FSHR: variants seen among roughly 807,000 people sequenced by gnomAD.
FSHR encodes follicle-stimulating hormone receptor.
In FSHR, 46 loss-of-function variants were observed where a neutral mutation model predicts 52.1. The ratio of observed to expected loss-of-function variants is 0.88; its 90% CI spans 0.70 to 1.13. The LOEUF is 1.13. Ranked by LOEUF, FSHR falls within the 50% of genes most tolerant of loss-of-function variation. The probability of loss-of-function intolerance (pLI) is 0.00; values close to 1 mark genes in which losing one functional copy is unlikely to be tolerated. For synonymous variants in FSHR, 399 were observed against 309.6 expected (o/e 1.29, Z -3.03); for missense variants, 964 against 834.6 (o/e 1.16, Z -1.91).
In FSHR at chr2:49,008,566, G is replaced by A. The variant is rs539181296; in HGVS notation, c.374+8923C>T. 1.2e-3 allele frequency among the ~76,000 whole-genome samples: 182 copies of A among 150,942 alleles called. 2 individuals are homozygous for A. Among genetic ancestry groups the A allele is most frequent in the Middle Eastern group, 6.8e-3 (2 of 292 alleles). ...CAGTAATGGGATGGCTGGGTCAAATGGTATTTCCAGTTCTAGATCCCTGAG... is the reference window on the plus strand; with the variant it reads ...CAGTAATGGGATGGCTGGGTCAAATAGTATTTCCAGTTCTAGATCCCTGAG... On this transcript the variant is annotated intron_variant, in intron 4 of 9. Transcript: ENST00000406846.
At chr2:49,047,165 C>A (rs534542849) in intron 2 of FSHR, among the ~76,000 whole-genome samples, 1 of 152,110 alleles carries the variant, frequency 6.6e-6, no homozygotes, top group East Asian at 1.9e-4. Context: ...CTGCAGTAAA[C>A]CACCACCCTT....
At chr2:48,975,643 T>A (rs6708725) in intron 8 of FSHR, among the ~76,000 whole-genome samples, 1 of 151,960 alleles carries the variant, frequency 6.6e-6, no homozygotes, top group Non-Finnish European at 1.5e-5. Flanking sequence ...CTAAGAAATC[T>A]CCTCTTCTCT....
chr2:49,073,554 A>G (rs549396024), intron 1 of FSHR, among the ~76,000 whole-genome samples: 11 of 152,222 alleles, frequency 7.2e-5, no homozygotes, highest in Admixed American at 6.5e-4. Flanking sequence ...TAAAGAAGAT[A>G]CAAATGTAAA....
At chr2:48,997,381 A>G (rs1228548041) in intron 4 of FSHR, 8 of 984,902 alleles carry the variant, frequency 8.1e-6, no homozygotes, top group African/African-American at 1.7e-5. Flanking sequence ...TAAGGAGCTC[A>G]AGGGTAACAT....
chr2:49,137,336 G>C (rs1037281213), intron 1 of FSHR, among the ~76,000 whole-genome samples: 1 of 151,968 alleles, frequency 6.6e-6, no homozygotes, highest in Admixed American at 6.6e-5. Flanking sequence ...AATAATTATT[G>C]AAAGAAAATT....
intron 2 of FSHR, among the ~76,000 whole-genome samples, chr2:49,026,065 G>T (rs1399038972): frequency 6.6e-6 from 1 of 152,182 alleles, no homozygotes; most frequent in Non-Finnish European, 1.5e-5. Flanking sequence ...GCCTGAGATG[G>T]TCTTGTCTTC....
At chr2:49,134,347 A>G (rs1347005914) in intron 1 of FSHR, among the ~76,000 whole-genome samples, 1 of 152,246 alleles carries the variant, frequency 6.6e-6, no homozygotes, top group Non-Finnish European at 1.5e-5. Flanking sequence ...GAGAAATGCA[A>G]ATCGAAACCA....
chr2:49,003,026 G>T (rs750941860), intron 4 of FSHR, among the ~76,000 whole-genome samples: 17 of 152,068 alleles, frequency 1.1e-4, no homozygotes, highest in Non-Finnish European at 2.1e-4. Context: ...TGCTATCTTT[G>T]AATTCCAAAT....
chr2:49,080,422 C>T (rs1670126031), intron 1 of FSHR, among the ~76,000 whole-genome samples: 3 of 152,210 alleles, frequency 2.0e-5, no homozygotes, highest in Admixed American at 2.0e-4. Flanking sequence ...AACCAAAAAA[C>T]TGGAAACAAC....
rs146785972 is a variant in FSHR, at chr2:49,032,922, A to T, written c.225-12762T>A. ...ATTTGGAGAAAAAGAATACCTTCTG[A>T]CCAAATGTGCCTTTGGTAGAAATTC... On this transcript the variant is annotated intron_variant, in intron 2 of 9. Coordinates refer to ENST00000406846, the MANE Select transcript of FSHR (RefSeq NM_000145.4). Among the ~76,000 whole-genome samples, 30 of 152,328 alleles carry T rather than the reference A, an allele frequency of 2.0e-4. No individual in the cohort carries two copies. In the East Asian group the frequency reaches 5.6e-3, roughly 28 times the overall value.
chr2:49,037,374 G>T (rs1200664363), intron 2 of FSHR, among the ~76,000 whole-genome samples: 1 of 152,188 alleles, frequency 6.6e-6, no homozygotes, highest in African/African-American at 2.4e-5. Context: ...GATCCCCATT[G>T]AACACACTTC....
At chr2:49,096,311 C>T (rs1039315684) in intron 1 of FSHR, among the ~76,000 whole-genome samples, 1 of 152,152 alleles carries the variant, frequency 6.6e-6, no homozygotes, top group African/African-American at 2.4e-5. Flanking sequence ...AATGATATAA[C>T]ATAGATGAAA....
intron 4 of FSHR, among the ~76,000 whole-genome samples, chr2:48,998,125 A>AC (rs1676104207): frequency 1.3e-5 from 2 of 152,134 alleles, no homozygotes; most frequent in African/African-American, 4.8e-5. Flanking sequence ...AAGATGACTT[A>AC]TACATTTTTT....
chr2:48,969,052 C>T (rs1337356174), intron 8 of FSHR, among the ~76,000 whole-genome samples, 169 bp from the exon 9 acceptor site: 2 of 152,140 alleles, frequency 1.3e-5, no homozygotes, highest in Non-Finnish European at 2.9e-5. Flanking sequence ...GCTAATAGGA[C>T]ATTTGGTTCT....
intron 6 of FSHR, among the ~76,000 whole-genome samples, chr2:48,984,272 A>G (rs542159915): frequency 1.3e-5 from 2 of 152,280 alleles, no homozygotes; most frequent in South Asian, 4.1e-4. Context: ...TTCACAATCA[A>G]TTGGTGGGTT....
chr2:49,133,867 T>C (rs538716694), intron 1 of FSHR, among the ~76,000 whole-genome samples: 9 of 152,336 alleles, frequency 5.9e-5, no homozygotes, highest in Middle Eastern at 3.4e-3. Flanking sequence ...GCTAGCCATA[T>C]GTAGAAAGCT....
At chr2:49,008,496 T>C (rs1268613487) in intron 4 of FSHR, among the ~76,000 whole-genome samples, 1 of 152,104 alleles carries the variant, frequency 6.6e-6, no homozygotes, top group Admixed American at 6.6e-5. Context: ...TACGTGTGCA[T>C]GTGTCTTAAT....
intron 1 of FSHR, among the ~76,000 whole-genome samples, chr2:49,074,104 G>A (rs894582204): frequency 3.3e-5 from 5 of 151,986 alleles, no homozygotes; most frequent in Admixed American, 2.0e-4. Context: ...AAATGTAGAA[G>A]TGCTTCAGAG....
At chr2:48,972,250 C>A (rs879722316) in intron 8 of FSHR, among the ~76,000 whole-genome samples, 15 of 152,204 alleles carry the variant, frequency 9.9e-5, no homozygotes, top group South Asian at 8.3e-4. Flanking sequence ...AGAAAAACTT[C>A]TTGACTTTTT....
Sources: gnomAD v4.1 joint callset for allele counts (sites outside exome capture counted in the v4.1 genomes callset) on GRCh38, gnomAD v4.1.1 for gene constraint, MANE v1.5 for transcripts, NCBI Gene and HGNC (gene_info 2026-07-23, HGNC 2026-07-21) for gene names.